The following NLRP2B variants were observed in gnomAD, a reference collection of about 807,000 sequenced individuals.
NLRP2B encodes the protein NLR family pyrin domain-containing protein 2B.
For synonymous variants in NLRP2B, 16 were observed against 3.5 expected (o/e 4.63, Z -4.03); for missense variants, 25 against 6.8 (o/e 3.70, Z -3.00).
Position 57,678,338 on chromosome X carries a change from T to G in NLRP2B, c.*1785A>C, listed in dbSNP as rs1301691924. 17 of 536,163 alleles carry G rather than the reference T, an allele frequency of 3.2e-5. No individual in the cohort carries two copies. The highest frequency in any genetic ancestry group is 5.5e-5 in the Non-Finnish European group (16 of 290,678). 44.2% of individuals were successfully genotyped at this position (536,163 alleles called of 1,213,427 possible). A position where few individuals can be genotyped will look rare whatever the true frequency, so the allele number is the denominator to read the frequency against. On this transcript the variant is annotated 3_prime_UTR_variant, in exon 1 of 1. Transcript: ENST00000434992. ...AAGTTTCGACAATGCTTGAGGCAGA[T>G]TGAAAACAGCATAATGTCTACTGCA...
At position 57,677,972 on chromosome X, in the gene NLRP2B, C is replaced by T. The variant is rs2011723744; in HGVS notation, c.*2151G>A. 3 of 477,346 alleles carry T rather than the reference C, an allele frequency of 6.3e-6. No homozygotes were observed. In the South Asian group the frequency reaches 8.8e-5, roughly 14 times the overall value. 39.3% of individuals were successfully genotyped at this position (477,346 alleles called of 1,213,427 possible). A position where few individuals can be genotyped will look rare whatever the true frequency, so the allele number is the denominator to read the frequency against. ...GGAAGCATATCATTCTGGTCATTGC[C>T]TTGAAGGGTCAGATATCTTACAGTC... On this transcript the variant is annotated 3_prime_UTR_variant, in exon 1 of 1. Transcript: ENST00000434992.
chrX:57,678,448 AG>A lies in NLRP2B; in HGVS notation c.*1674del, dbSNP rs2011730928. The stretch of plus-strand genomic sequence containing the variant: ...CTGAGACTCGTACAGACAGCACAAG[AG>A]CTCCTTCGGGTTCATCATTGTTGAG... On this transcript the variant is annotated 3_prime_UTR_variant, in exon 1 of 1. Transcript: ENST00000434992. 7.7e-6 allele frequency: 4 copies of A among 519,928 alleles called. No individual in the cohort carries two copies. The highest frequency in any genetic ancestry group is 1.4e-5 in the Non-Finnish European group (4 of 282,353). 42.8% of individuals were successfully genotyped at this position (519,928 alleles called of 1,213,427 possible).
chrX:57,677,661 G>T lies in NLRP2B; in HGVS notation c.*2462C>A. ...CCAAGCACAGGTGTGTCAGCTCCCC[G>T]CTGACAACCAAAACAGCAGCAAAGT... is the stretch of plus-strand genomic sequence containing the variant. On this transcript the variant is annotated 3_prime_UTR_variant, in exon 1 of 1. Transcript: ENST00000434992. The T allele has an allele frequency of 3.0e-6, 1 of 330,086 alleles. No homozygotes were observed. Among genetic ancestry groups the T allele is most frequent in the Non-Finnish European group, 5.8e-6 (1 of 171,096 alleles). The allele number at this position is 330,086 out of a possible 1,213,427, so 27.2% of individuals were successfully genotyped here.
Position 57,679,208 on chromosome X carries a change from G to C in NLRP2B, c.*915C>G, listed in dbSNP as rs2011744414. The C allele has an allele frequency of 3.1e-5, 14 of 450,521 alleles. No homozygotes were observed. The South Asian group carries it at 3.8e-4, about 12-fold the overall frequency. The allele number at this position is 450,521 out of a possible 1,213,427, so 37.1% of individuals were successfully genotyped here. A position where few individuals can be genotyped will look rare whatever the true frequency, so the allele number is the denominator to read the frequency against. On this transcript the variant is annotated 3_prime_UTR_variant, in exon 1 of 1. Coordinates refer to ENST00000434992, the MANE Select transcript of NLRP2B (RefSeq NM_001319967.1). ...CCAGGAACTCCTCCACCCTTACATAGATCGGCCGCTCCACCAACAGCCGGA... is the reference window on the plus strand; with the variant it reads ...CCAGGAACTCCTCCACCCTTACATACATCGGCCGCTCCACCAACAGCCGGA...
rs5960295 is a variant in NLRP2B at position 57,678,128 on chromosome X, C to A, written c.*1995G>T. 4.0e-4 allele frequency: 188 copies of A among 472,549 alleles called. 1 individual carries two copies. In the South Asian group the frequency reaches 4.4e-3, roughly 11 times the overall value. 38.9% of individuals were successfully genotyped at this position (472,549 alleles called of 1,213,427 possible). A position where few individuals can be genotyped will look rare whatever the true frequency, so the allele number is the denominator to read the frequency against. Reference sequence around the variant, plus strand: ...CACAGGATCCTTACTAATGTGGCACCAAGAAAGCTATTATTGATTTCTAGA... The same window carrying A: ...CACAGGATCCTTACTAATGTGGCACAAAGAAAGCTATTATTGATTTCTAGA... On this transcript the variant is annotated 3_prime_UTR_variant, in exon 1 of 1. Transcript: ENST00000434992.
rs1437062762 is a variant in NLRP2B at position 57,677,153 on chromosome X, C to A, written c.*2970G>T. The A allele has an allele frequency of 3.1e-6, 1 of 325,733 alleles. No homozygotes were observed. Among genetic ancestry groups the A allele is most frequent in the Non-Finnish European group, 6.0e-6 (1 of 167,825 alleles). 26.8% of individuals were successfully genotyped at this position (325,733 alleles called of 1,213,427 possible). On this transcript the variant is annotated 3_prime_UTR_variant, in exon 1 of 1. Coordinates refer to ENST00000434992, the MANE Select transcript of NLRP2B (RefSeq NM_001319967.1). ...TCAGCAGGCAGTTGTGGGTTGTTTT[C>A]TTCTATTTCTTCCAGCAGCTTATCG... is the stretch of plus-strand genomic sequence containing the variant.
Position 57,678,693 on chromosome X carries a change from G to GTCCTCCTCC in NLRP2B, c.*1421_*1429dup, listed in dbSNP as rs916975790. ...CATTGTCCCAGGCGTGGCCGTCCTT[G>GTCCTCCTCC]TCCTCCTCCTCCTCCTCCTCCTCCT... is the stretch of plus-strand genomic sequence containing the variant. On this transcript the variant is annotated 3_prime_UTR_variant, in exon 1 of 1. Transcript: ENST00000434992. The GTCCTCCTCC allele has an allele frequency of 2.0e-5, 8 of 398,505 alleles. No homozygotes were observed. 32.8% of individuals were successfully genotyped at this position (398,505 alleles called of 1,213,427 possible).
rs1271908681 is a variant in NLRP2B, at chrX:57,677,978, G to T, written c.*2145C>A. 1 of 478,640 alleles carries T rather than the reference G, an allele frequency of 2.1e-6. No homozygotes were observed. The highest frequency in any genetic ancestry group is 2.3e-5 in the African/African-American group (1 of 42,854). 39.4% of individuals were successfully genotyped at this position (478,640 alleles called of 1,213,427 possible). A position where few individuals can be genotyped will look rare whatever the true frequency, so the allele number is the denominator to read the frequency against. ...ATATCATTCTGGTCATTGCCTTGAA[G>T]GGTCAGATATCTTACAGTCTTGTGA... On this transcript the variant is annotated 3_prime_UTR_variant, in exon 1 of 1. Coordinates refer to ENST00000434992, the MANE Select transcript of NLRP2B (RefSeq NM_001319967.1).
Position 57,678,688 on chromosome X carries a change from T to C in NLRP2B, c.*1435A>G. ...GTCTCCATTGTCCCAGGCGTGGCCG[T>C]CCTTGTCCTCCTCCTCCTCCTCCTC... On this transcript the variant is annotated 3_prime_UTR_variant, in exon 1 of 1. Transcript: ENST00000434992. 4.9e-6 allele frequency: 2 copies of C among 411,218 alleles called. No homozygotes were observed. Among genetic ancestry groups the C allele is most frequent in the Non-Finnish European group, 9.0e-6 (2 of 222,805 alleles). 33.9% of individuals were successfully genotyped at this position (411,218 alleles called of 1,213,427 possible).
chrX:57,680,210 C>T lies in NLRP2B; in HGVS notation c.51G>A (p.Gln17=). 7.7e-6 allele frequency: 3 copies of T among 388,174 alleles called. No individual in the cohort carries two copies. The highest frequency in any genetic ancestry group is 8.2e-5 in the South Asian group (1 of 12,215). 32.0% of individuals were successfully genotyped at this position (388,174 alleles called of 1,213,427 possible). Residue 17 remains glutamine (Q), a synonymous_variant, in exon 1 of 1, where the codon CAG becomes CAA. Transcript: ENST00000434992. ...ACTTGCACAAGTCATCCTGGCTGAG[C>T]TGTCCCAGAAGAGCCTGCAGGTTGA... is the stretch of plus-strand genomic sequence containing the variant. ...LDFNLQALLG[Q]LSQDDLCKFK... is the part of the protein sequence containing the mutation.
chrX:57,679,232 G>T lies in NLRP2B; in HGVS notation c.*891C>A. 2.2e-6 allele frequency: 1 copy of T among 454,711 alleles called. No homozygotes were observed. The allele number at this position is 454,711 out of a possible 1,213,427, so 37.5% of individuals were successfully genotyped here. A position where few individuals can be genotyped will look rare whatever the true frequency, so the allele number is the denominator to read the frequency against. On this transcript the variant is annotated 3_prime_UTR_variant, in exon 1 of 1. Coordinates refer to ENST00000434992, the MANE Select transcript of NLRP2B (RefSeq NM_001319967.1). ...AGATCGGCCGCTCCACCAACAGCCG[G>T]AGGTCTCTCAGGGCCCGCAGGCCAC...
chrX:57,679,142 G>A lies in NLRP2B; in HGVS notation c.*981C>T. On this transcript the variant is annotated 3_prime_UTR_variant, in exon 1 of 1. Coordinates refer to ENST00000434992, the MANE Select transcript of NLRP2B (RefSeq NM_001319967.1). ...CAAAGGCACACATGGCTTGGTCCTC[G>A]TCTCCAAAGTGTCTCAGGAAATATG... The A allele has an allele frequency of 4.2e-6, 2 of 473,036 alleles. No individual in the cohort carries two copies. Among genetic ancestry groups the A allele is most frequent in the Non-Finnish European group, 3.9e-6 (1 of 253,165 alleles). The allele number at this position is 473,036 out of a possible 1,213,427, so 39.0% of individuals were successfully genotyped here.
In NLRP2B at chrX:57,678,881, A is replaced by T. The variant is rs1485021266; in HGVS notation, c.*1242T>A. The T allele has an allele frequency of 1.1e-5, 4 of 377,825 alleles. No homozygotes were observed. The allele number at this position is 377,825 out of a possible 1,213,427, so 31.1% of individuals were successfully genotyped here. On this transcript the variant is annotated 3_prime_UTR_variant, in exon 1 of 1. Coordinates refer to ENST00000434992, the MANE Select transcript of NLRP2B (RefSeq NM_001319967.1). ...AGCCTCGCCAAGTCCTCTCCACGGAACACTGACATCTGCGCCCACAGGCCC... is the reference window on the plus strand; with the variant it reads ...AGCCTCGCCAAGTCCTCTCCACGGATCACTGACATCTGCGCCCACAGGCCC...
Position 57,678,395 on chromosome X carries a change from C to T in NLRP2B, c.*1728G>A. 1 of 522,503 alleles carries T rather than the reference C, an allele frequency of 1.9e-6. No individual in the cohort carries two copies. The highest frequency in any genetic ancestry group is 3.5e-6 in the Non-Finnish European group (1 of 283,780). 43.1% of individuals were successfully genotyped at this position (522,503 alleles called of 1,213,427 possible). A position where few individuals can be genotyped will look rare whatever the true frequency, so the allele number is the denominator to read the frequency against. ...TGCAGGGATATTTCTTTGAACGGAG[C>T]CATCACTCCCTTCACCAGCTCCTCC... On this transcript the variant is annotated 3_prime_UTR_variant, in exon 1 of 1. Transcript: ENST00000434992.
At position 57,679,702 on chromosome X, in the gene NLRP2B, C is replaced by A. The variant is rs372762442; in HGVS notation, c.*421G>T. On this transcript the variant is annotated 3_prime_UTR_variant, in exon 1 of 1. Coordinates refer to ENST00000434992, the MANE Select transcript of NLRP2B (RefSeq NM_001319967.1). ...GCTGAACGGGATCAGCATCTTGTAT[C>A]TCTGAGCCATAATATGGACCACTTT... 9 of 433,746 alleles carry A rather than the reference C, an allele frequency of 2.1e-5. 2 individuals carry two copies. Among genetic ancestry groups the A allele is most frequent in the Admixed American group, 3.3e-5 (1 of 30,111 alleles). 35.7% of individuals were successfully genotyped at this position (433,746 alleles called of 1,213,427 possible).
At position 57,680,002 on chromosome X, in the gene NLRP2B, T is replaced by C. The variant is rs2011757311; in HGVS notation, c.*121A>G. 1 of 340,044 alleles carries C rather than the reference T, an allele frequency of 2.9e-6. No individual in the cohort carries two copies. The highest frequency in any genetic ancestry group is 2.6e-5 in the African/African-American group (1 of 38,102). 28.0% of individuals were successfully genotyped at this position (340,044 alleles called of 1,213,427 possible). ...TCTTCTCTGAGTTCATCCTTTACTTTCTCAGACAGATCCGCTCGGTGCATC... is the reference window on the plus strand; with the variant it reads ...TCTTCTCTGAGTTCATCCTTTACTTCCTCAGACAGATCCGCTCGGTGCATC... On this transcript the variant is annotated 3_prime_UTR_variant, in exon 1 of 1. Coordinates refer to ENST00000434992, the MANE Select transcript of NLRP2B (RefSeq NM_001319967.1).
chrX:57,678,435 C>G lies in NLRP2B; in HGVS notation c.*1688G>C, dbSNP rs761947504. The stretch of plus-strand genomic sequence containing the variant: ...CCAGCTCCTCCTCCTGAGACTCGTA[C>G]AGACAGCACAAGAGCTCCTTCGGGT... On this transcript the variant is annotated 3_prime_UTR_variant, in exon 1 of 1. Coordinates refer to ENST00000434992, the MANE Select transcript of NLRP2B (RefSeq NM_001319967.1). The G allele has an allele frequency of 3.4e-4, 177 of 519,889 alleles. No individual in the cohort carries two copies. The highest frequency in any genetic ancestry group is 5.4e-4 in the Non-Finnish European group (154 of 282,822). 42.8% of individuals were successfully genotyped at this position (519,889 alleles called of 1,213,427 possible).
chrX:57,679,948 C>T lies in NLRP2B; in HGVS notation c.*175G>A, dbSNP rs2011756798. 4 of 294,658 alleles carry T rather than the reference C, an allele frequency of 1.4e-5. No individual in the cohort carries two copies. The Admixed American group carries it at 2.4e-4, about 18-fold the overall frequency. The allele number at this position is 294,658 out of a possible 1,213,427, so 24.3% of individuals were successfully genotyped here. On this transcript the variant is annotated 3_prime_UTR_variant, in exon 1 of 1. Coordinates refer to ENST00000434992, the MANE Select transcript of NLRP2B (RefSeq NM_001319967.1). Reference sequence around the variant, plus strand: ...TTTTGGCTCTTCTTTCCCTGTTTTCCCTAATGATACAGGCTTGATTTCAAA... The same window carrying T: ...TTTTGGCTCTTCTTTCCCTGTTTTCTCTAATGATACAGGCTTGATTTCAAA...
Position 57,679,585 on chromosome X carries a change from A to G in NLRP2B, c.*538T>C. On this transcript the variant is annotated 3_prime_UTR_variant, in exon 1 of 1. Transcript: ENST00000434992. ...GAGGTTGTCCTCTGCCCAGTCCAGC[A>G]TTAATTTCTTGGCCAGCGTGGTTTT... is the stretch of plus-strand genomic sequence containing the variant. 5.8e-6 allele frequency: 3 copies of G among 516,246 alleles called. No individual in the cohort carries two copies. The highest frequency in any genetic ancestry group is 1.0e-5 in the Non-Finnish European group (3 of 292,810). The allele number at this position is 516,246 out of a possible 1,213,427, so 42.5% of individuals were successfully genotyped here.
Sources: allele counts gnomAD v4.1 joint callset, GRCh38; gene constraint gnomAD v4.1.1; transcripts MANE v1.5; gene names NCBI Gene and HGNC (gene_info 2026-07-23, HGNC 2026-07-21).